COL24A1: variants seen among roughly 807,000 people sequenced by gnomAD.
COL24A1 encodes collagen type XXIV alpha 1 chain.
Under a neutral mutation model 253.9 loss-of-function variants are expected in COL24A1, and 224 were observed. The observed-to-expected ratio is 0.88, with a 90% CI of 0.79 to 0.99. The LOEUF is 0.99. COL24A1 is among the 50% of genes least tolerant of loss of function. The pLI is 0.00. For synonymous variants in COL24A1, 685 were observed against 673.7 expected (o/e 1.02, Z -0.26); for missense variants, 2,131 against 2,068.5 (o/e 1.03, Z -0.59).
At chr1:85,816,971 G>A in intron 46 of COL24A1, 76 bp from the exon 47 acceptor site, 1 of 1,100,902 alleles carries the variant, frequency 9.1e-7, no homozygotes, top group South Asian at 1.4e-5. Context: ...TTTATTTATT[G>A]AGCTGGAGAA....
At chr1:86,061,678 G>A (rs568535466) in intron 8 of COL24A1, among the ~76,000 whole-genome samples, 4 of 152,122 alleles carry the variant, frequency 2.6e-5, no homozygotes, top group South Asian at 4.1e-4. Context: ...TGGCATAAAC[G>A]TATTCTGAGC....
chr1:85,967,887 C>A (rs566725888), intron 22 of COL24A1, among the ~76,000 whole-genome samples: 83 of 152,240 alleles, frequency 5.5e-4, no homozygotes, highest in South Asian at 5.4e-3. Context: ...AAGTATTGAT[C>A]CTGGGTGTGT....
rs545964690 is a variant in COL24A1, at chr1:86,033,884, G to C, written c.1990C>G (p.Leu664Val). The change falls in exon 13 of 60, where the codon CTT (leucine) becomes GTT (valine). Residue 664 changes from leucine to valine, a missense_variant. Physicochemically the swap from Leu to Val is conservative, Grantham distance 32 (BLOSUM62 1). Transcript: ENST00000370571. ...AATGTACTCACAGGACTGCCATCAA[G>C]ACCAGCAGGGCCTCTGTCTCCAAAG... The part of the protein sequence containing the change: ...GDFGDRGPAG[L>V]DGSPGLVGGT... 4 of 1,601,660 alleles carry C rather than the reference G, an allele frequency of 2.5e-6. No homozygotes were observed. The South Asian group carries it at 4.5e-5, about 18-fold the overall frequency.
chr1:85,897,243 G>C (rs1683835759), intron 28 of COL24A1, among the ~76,000 whole-genome samples: 1 of 152,086 alleles, frequency 6.6e-6, no homozygotes, highest in Non-Finnish European at 1.5e-5. Flanking sequence ...ACACACTGGG[G>C]CCTGTCAGGG....
At chr1:85,783,443 T>C in intron 51 of COL24A1, 53 bp downstream of exon 51, 1 of 1,467,128 alleles carries the variant, frequency 6.8e-7, no homozygotes, top group Non-Finnish European at 9.5e-7. Context: ...TCTTAAGCCC[T>C]GCAGTAAGCA....
At chr1:85,926,173 C>A (rs182611140) in intron 24 of COL24A1, among the ~76,000 whole-genome samples, 1 of 152,164 alleles carries the variant, frequency 6.6e-6, no homozygotes, top group Non-Finnish European at 1.5e-5. Context: ...AGTCAGGAAA[C>A]AACAGATGCT....
intron 24 of COL24A1, among the ~76,000 whole-genome samples, chr1:85,952,747 G>A (rs959393050): frequency 4.6e-5 from 7 of 152,102 alleles, no homozygotes; most frequent in African/African-American, 1.4e-4. Context: ...TACAACAGTT[G>A]AGCAGCTATG....
chr1:85,820,063 G>T (rs1203801849), intron 45 of COL24A1, among the ~76,000 whole-genome samples: 1 of 152,078 alleles, frequency 6.6e-6, no homozygotes, highest in Non-Finnish European at 1.5e-5. Context: ...GGCCAGGCTG[G>T]TCTTGAACTC....
chr1:85,995,758 C>T (rs1327169165), intron 19 of COL24A1, among the ~76,000 whole-genome samples: 1 of 152,116 alleles, frequency 6.6e-6, no homozygotes, highest in Non-Finnish European at 1.5e-5. Flanking sequence ...GCAGATTTCA[C>T]CCTCAGTGCT....
At chr1:85,924,519 C>A (rs567025675) in intron 24 of COL24A1, among the ~76,000 whole-genome samples, 2 of 152,248 alleles carry the variant, frequency 1.3e-5, no homozygotes, top group South Asian at 4.1e-4. Context: ...GTTCAACATA[C>A]ACAAATCAAT....
intron 7 of COL24A1, among the ~76,000 whole-genome samples, chr1:86,072,955 A>G (rs1701978913): frequency 6.6e-6 from 1 of 152,210 alleles, no homozygotes; most frequent in South Asian, 2.1e-4. Flanking sequence ...ATGTCCACAC[A>G]AAAACTCCAT....
intron 26 of COL24A1, among the ~76,000 whole-genome samples, chr1:85,909,161 T>C (rs1220297320): frequency 1.3e-5 from 2 of 151,786 alleles, no homozygotes; most frequent in Admixed American, 1.3e-4. Context: ...TAGGAGGTAA[T>C]GATTCTTGAA....
chr1:85,876,166 G>A (rs1248564145), intron 33 of COL24A1, among the ~76,000 whole-genome samples: 2 of 151,988 alleles, frequency 1.3e-5, no homozygotes, highest in African/African-American at 4.8e-5. Context: ...TGGAATTATA[G>A]GAGTTGGAGG....
intron 19 of COL24A1, among the ~76,000 whole-genome samples, chr1:85,988,312 T>A (rs1315178312): frequency 6.6e-6 from 1 of 151,992 alleles, no homozygotes; most frequent in African/African-American, 2.4e-5. Flanking sequence ...TAAATTTGCA[T>A]GAGAATCATG....
intron 2 of COL24A1, among the ~76,000 whole-genome samples, chr1:86,133,653 T>A (rs1649695381): frequency 1.3e-5 from 2 of 152,192 alleles, no homozygotes; most frequent in Admixed American, 1.3e-4. Context: ...GGATTACGTT[T>A]ATTGATTTGT....
In COL24A1 at chr1:86,031,563, G is replaced by A. The variant is rs777119217; in HGVS notation, c.2049+315C>T. ...TAACAATTTTTTAAAAAGGAAAGAA[G>A]AGGGTCTTCTATGTCTTATGCTTTT... On this transcript the variant is annotated intron_variant, in intron 14 of 59. Coordinates refer to ENST00000370571, the MANE Select transcript of COL24A1 (RefSeq NM_152890.7). Among the ~76,000 whole-genome samples the A allele has an allele frequency of 1.1e-3, 168 of 152,202 alleles. 1 individual carries two copies. Among genetic ancestry groups the A allele is most frequent in the East Asian group, 2.5e-3 (13 of 5,184 alleles).
chr1:85,886,543 T>C (rs1682520467), intron 32 of COL24A1, among the ~76,000 whole-genome samples: 1 of 151,822 alleles, frequency 6.6e-6, no homozygotes, highest in African/African-American at 2.4e-5. Flanking sequence ...CATGCACCTG[T>C]AGTCCCAGCT....
At chr1:86,025,440 T>A (rs981870141) in intron 14 of COL24A1, among the ~76,000 whole-genome samples, 5 of 152,292 alleles carry the variant, frequency 3.3e-5, no homozygotes, top group Non-Finnish European at 7.4e-5. Context: ...TATGGTATAC[T>A]GTAGAAAGGA....
At chr1:86,087,077 T>C (rs1434424857) in intron 7 of COL24A1, among the ~76,000 whole-genome samples, 8 of 152,158 alleles carry the variant, frequency 5.3e-5, no homozygotes, top group Admixed American at 3.9e-4. Flanking sequence ...CTCAAGAAGA[T>C]CCTGCAATAG....
Sources: gnomAD v4.1 joint callset for allele counts (sites outside exome capture counted in the v4.1 genomes callset) on GRCh38, gnomAD v4.1.1 for gene constraint, MANE v1.5 for transcripts, NCBI Gene and HGNC (gene_info 2026-07-23, HGNC 2026-07-21) for gene names.